The following PGM5 variants were observed in gnomAD, a reference collection of about 807,000 sequenced individuals.
PGM5 encodes phosphoglucomutase 5.
PGM5 carries 23 observed loss-of-function variants against 59.2 expected under a neutral mutation model. The ratio of observed to expected loss-of-function variants is 0.39; its 90% CI spans 0.28 to 0.55. PGM5 has a LOEUF of 0.55. Ranked by LOEUF, PGM5 falls within the 20% of genes least tolerant of loss-of-function variation. PGM5 has a pLI of 0.66. For synonymous variants in PGM5, 214 were observed against 286.0 expected (o/e 0.75, Z 2.54); for missense variants, 574 against 748.3 (o/e 0.77, Z 2.72).
intron 10 of PGM5, among the ~76,000 whole-genome samples, chr9:68,501,102 A>C (rs1824566700): frequency 6.6e-6 from 1 of 152,186 alleles, no homozygotes. Flanking sequence ...GTTGGTGGAA[A>C]GAATTTGCCA....
chr9:68,434,729 C>A (rs1425702670), intron 6 of PGM5, among the ~76,000 whole-genome samples: 1 of 151,804 alleles, frequency 6.6e-6, no homozygotes, highest in Non-Finnish European at 1.5e-5. Context: ...TCGCTTGAAC[C>A]TGGGAGTCGG....
intron 7 of PGM5, among the ~76,000 whole-genome samples, chr9:68,470,281 A>G (rs1823999540): frequency 6.6e-6 from 1 of 152,214 alleles, no homozygotes. Context: ...TTTTGTATGC[A>G]CCAAATTCTT....
chr9:68,414,001 T>A (rs1300345049), intron 6 of PGM5, among the ~76,000 whole-genome samples: 18 of 152,186 alleles, frequency 1.2e-4, no homozygotes, highest in African/African-American at 4.1e-4. Context: ...GACAGATCCC[T>A]CATGAATAAA....
At chr9:68,395,065 G>A (rs1273112477) in intron 6 of PGM5, among the ~76,000 whole-genome samples, 4 of 152,076 alleles carry the variant, frequency 2.6e-5, no homozygotes, top group African/African-American at 4.8e-5. Flanking sequence ...CTTCCTCCAA[G>A]GTCAGAGAGA....
intron 6 of PGM5, among the ~76,000 whole-genome samples, chr9:68,455,885 T>C (rs781908549): frequency 1.1e-4 from 16 of 152,268 alleles, no homozygotes; most frequent in Non-Finnish European, 1.8e-4. Context: ...GAGATAATAT[T>C]GCAAGACAAA....
At chr9:68,401,166 A>G (rs1389358623) in intron 6 of PGM5, among the ~76,000 whole-genome samples, 3 of 152,110 alleles carry the variant, frequency 2.0e-5, no homozygotes, top group African/African-American at 7.2e-5. Flanking sequence ...ACTGTAGGAG[A>G]TTTGGAGATA....
intron 6 of PGM5, among the ~76,000 whole-genome samples, chr9:68,462,177 A>G (rs991724406): frequency 6.6e-6 from 1 of 151,504 alleles, no homozygotes; most frequent in Non-Finnish European, 1.5e-5. Context: ...TTCCCTTCAC[A>G]CTCTGGCCTT....
rs199590095 is a variant in PGM5 at position 68,518,883 on chromosome 9, A to G, written c.1615-10684A>G. ...TTGGGTATAGGCAACACTGGAAAAAATGATAGGTGAAGATTTCCCAGAACC... is the reference window on the plus strand; with the variant it reads ...TTGGGTATAGGCAACACTGGAAAAAGTGATAGGTGAAGATTTCCCAGAACC... On this transcript the variant is annotated intron_variant, in intron 10 of 10. Transcript: ENST00000396396. Among the ~76,000 whole-genome samples the G allele has an allele frequency of 2.6e-5, 4 of 152,244 alleles. No individual in the cohort carries two copies. The East Asian group carries it at 7.7e-4, about 29-fold the overall frequency.
At chr9:68,387,834 G>A (rs1372006731) in intron 4 of PGM5, among the ~76,000 whole-genome samples, 52 of 152,026 alleles carry the variant, frequency 3.4e-4, no homozygotes, top group African/African-American at 1.3e-3. Flanking sequence ...TAGTAAAACT[G>A]TTATTTATTT....
At position 68,485,242 on chromosome 9, in the gene PGM5, A is replaced by G. The variant is rs536638951; in HGVS notation, c.1479+1194A>G. 4.5e-3 allele frequency among the ~76,000 whole-genome samples: 689 copies of G among 152,206 alleles called. 6 individuals are homozygous for G. The highest frequency in any genetic ancestry group is 0.016 in the African/African-American group (650 of 41,532). ...AGTTCTGCAACTGTATCTCAAGTTC[A>G]TCTATTTATTTCATTTCCCCTCCCC... On this transcript the variant is annotated intron_variant, in intron 9 of 10. Coordinates refer to ENST00000396396, the MANE Select transcript of PGM5 (RefSeq NM_021965.4).
chr9:68,432,631 T>A (rs1823373308), intron 6 of PGM5, among the ~76,000 whole-genome samples: 1 of 150,510 alleles, frequency 6.6e-6, no homozygotes, highest in Admixed American at 6.6e-5. Flanking sequence ...TTTGAGACAG[T>A]ATCTCACTCT....
rs377055052 is a variant in PGM5 at position 68,519,108 on chromosome 9, A to G, written c.1615-10459A>G. On this transcript the variant is annotated intron_variant, in intron 10 of 10. Transcript: ENST00000396396. ...CTTAATCTAGTGAAACTTTCCTTCT[A>G]AAATGAAAGCGAAATAAACACATCT... Among the ~76,000 whole-genome samples, 286 of 152,356 alleles carry G rather than the reference A, an allele frequency of 1.9e-3. 1 individual carries two copies. Among genetic ancestry groups the G allele is most frequent in the African/African-American group, 6.7e-3 (279 of 41,592 alleles).
intron 10 of PGM5, among the ~76,000 whole-genome samples, chr9:68,509,583 G>T (rs1824712273): frequency 6.6e-6 from 1 of 152,174 alleles, no homozygotes; most frequent in East Asian, 1.9e-4. Flanking sequence ...AAGAGGAGGG[G>T]ACCCAACACG....
At chr9:68,469,692 C>G (rs1409383584) in intron 7 of PGM5, among the ~76,000 whole-genome samples, 2 of 152,116 alleles carry the variant, frequency 1.3e-5, no homozygotes, top group East Asian at 3.9e-4. Flanking sequence ...AGACAGGGCC[C>G]ATGTCTATCT....
intron 6 of PGM5, among the ~76,000 whole-genome samples, chr9:68,404,569 C>G (rs542584047): frequency 6.6e-6 from 1 of 152,284 alleles, no homozygotes; most frequent in East Asian, 1.9e-4. Context: ...GAAAACAAAT[C>G]TTGTCAGCCC....
At chr9:68,383,601 C>G (rs1312968441) in intron 2 of PGM5, among the ~76,000 whole-genome samples, 1 of 150,806 alleles carries the variant, frequency 6.6e-6, no homozygotes, top group Non-Finnish European at 1.5e-5. Context: ...GTATAGTTGA[C>G]AAGTAAGATT....
intron 7 of PGM5, chr9:68,466,273 T>G (rs562134031): frequency 0.034 from 30,846 of 910,056 alleles, 354 homozygotes; most frequent in African/African-American, 0.059. Context: ...ACTGTGTGTT[T>G]TTTTTTTTTT....
intron 6 of PGM5, among the ~76,000 whole-genome samples, chr9:68,407,856 C>T (rs1358097684): frequency 6.6e-6 from 1 of 152,220 alleles, no homozygotes; most frequent in East Asian, 1.9e-4. Context: ...TATACCTGTG[C>T]ACTGGCATGA....
At chr9:68,464,978 T>C in intron 6 of PGM5, 115 bp from the exon 7 acceptor site, 1 of 615,042 alleles carries the variant, frequency 1.6e-6, no homozygotes, top group Non-Finnish European at 2.9e-6. Context: ...ACTACCCAGG[T>C]TGTTCTGAAA....
Sources: allele counts gnomAD v4.1 joint callset (sites outside exome capture counted in the v4.1 genomes callset), GRCh38; gene constraint gnomAD v4.1.1; transcripts MANE v1.5; gene names NCBI Gene and HGNC (gene_info 2026-07-23, HGNC 2026-07-21).